The following PPIP5K1 variants were observed in gnomAD, a reference collection of about 807,000 sequenced individuals.
The protein encoded by PPIP5K1 is inositol hexakisphosphate and diphosphoinositol-pentakisphosphate kinase 1.
In PPIP5K1, 6 loss-of-function variants were observed where a neutral mutation model predicts 27.7. The ratio of observed to expected loss-of-function variants is 0.22; its 90% CI spans 0.12 to 0.43. The LOEUF is 0.43. Ranked by LOEUF, PPIP5K1 falls within the 20% of genes least tolerant of loss-of-function variation. PPIP5K1 has a pLI of 1.00. For missense variants in PPIP5K1, 394 were observed against 635.4 expected (o/e 0.62, Z 4.08); for synonymous variants, 145 against 242.6 (o/e 0.60, Z 3.74).
chr15:43,557,215 G>A (rs533491472), intron 30 of PPIP5K1, among the ~76,000 whole-genome samples: 2 of 152,148 alleles, frequency 1.3e-5, no homozygotes, highest in African/African-American at 2.4e-5. Context: ...GGAACCCAAG[G>A]GGGGGTGGAT....
At position 43,546,428 on chromosome 15, in the gene PPIP5K1, C is replaced by CT. The variant is rs554698998; in HGVS notation, c.3557-6846dup. ...CCTCCCGCCTCAGCCTCCAGAGTAGCTAAGACTACAGGTGCACACCACCAT... is the reference window on the plus strand; with the variant it reads ...CCTCCCGCCTCAGCCTCCAGAGTAGCTTAAGACTACAGGTGCACACCACCAT... On this transcript the variant is annotated intron_variant, in intron 30 of 31. Transcript: ENST00000420765. Among the ~76,000 whole-genome samples, 178 of 152,230 alleles carry CT rather than the reference C, an allele frequency of 1.2e-3. 3 individuals carry two copies. In the South Asian group the frequency reaches 0.036, roughly 31 times the overall value.
Position 43,539,543 on chromosome 15 carries a change from G to C in PPIP5K1, c.3597C>G (p.Asn1199Lys). 6.2e-7 allele frequency: 1 copy of C among 1,610,034 alleles called. No homozygotes were observed. The highest frequency in any genetic ancestry group is 8.5e-7 in the Non-Finnish European group (1 of 1,177,746). ...DSMHSSQASD[N>K]PFSPPRTLHS... ...GAAGAGTACGTGGTGGAGAAAATGG[G>C]TTATCTGAGGCCTGGCTGCTGTGCA... is the stretch of plus-strand genomic sequence containing the variant. The change falls in exon 31 of 32, where the codon AAC (asparagine) becomes AAG (lysine). Residue 1199 changes from asparagine to lysine, a missense_variant. Asn to Lys is a moderately conservative substitution (Grantham distance 94, BLOSUM62 0). Around this residue, in one of 4 missense-constraint regions of PPIP5K1, gnomAD observed 379 missense variants for 423.9 expected, o/e 0.89. Transcript: ENST00000420765.
intron 30 of PPIP5K1, among the ~76,000 whole-genome samples, chr15:43,541,885 A>T (rs542940414): frequency 6.6e-6 from 1 of 152,356 alleles, no homozygotes; most frequent in South Asian, 2.1e-4. Flanking sequence ...AAATTGATCT[A>T]ACTTAACTGA....
intron 30 of PPIP5K1, chr15:43,548,620 A>G (rs2081699495): frequency 6.7e-6 from 1 of 149,406 alleles, no homozygotes; most frequent in East Asian, 2.0e-4. Context: ...TGGTGCAATC[A>G]TGGCTCACTG....
At chr15:43,548,920 C>T (rs990445676) in intron 30 of PPIP5K1, among the ~76,000 whole-genome samples, 10 of 146,560 alleles carry the variant, frequency 6.8e-5, no homozygotes, top group Admixed American at 2.8e-4. Flanking sequence ...CCCAGCTACT[C>T]GGGAGGCTGA....
rs2080972071 is a variant in PPIP5K1, at chr15:43,543,113, A to T, written c.3557-3530T>A. Among the ~76,000 whole-genome samples, 3 of 151,060 alleles carry T rather than the reference A, an allele frequency of 2.0e-5. No individual in the cohort carries two copies. In the South Asian group the frequency reaches 6.3e-4, roughly 32 times the overall value. Reference sequence around the variant, plus strand: ...TCTTTGCCCTCAGCCATGCATTCCAAACAAAATTGGTTCTTGGTGGGGGTA... The same window carrying T: ...TCTTTGCCCTCAGCCATGCATTCCATACAAAATTGGTTCTTGGTGGGGGTA... On this transcript the variant is annotated intron_variant, in intron 30 of 31. Transcript: ENST00000420765.
chr15:43,555,017 A>G (rs959140094), intron 30 of PPIP5K1, among the ~76,000 whole-genome samples: 10 of 151,616 alleles, frequency 6.6e-5, no homozygotes, highest in African/African-American at 2.4e-4. Context: ...TGTATTTTTT[A>G]GTAGAGACAA....
chr15:43,539,572 A>C lies in PPIP5K1; in HGVS notation c.3568T>G (p.Ser1190Ala). Residue 1190 changes from serine to alanine, a missense_variant, in exon 31 of 32, where the codon TCC (serine) becomes GCC (alanine). By Grantham distance (99) the Ser-to-Ala change is moderately conservative (BLOSUM62 1). This residue lies in a region of PPIP5K1 where 379 missense variants were observed against 423.9 expected (regional missense o/e 0.89). Coordinates refer to ENST00000420765, the MANE Select transcript of PPIP5K1 (RefSeq NM_001394395.1). ...TCTGAGGCCTGGCTGCTGTGCATGGAATCAAAGAGGGCTGGAAAGGAGGTA... is the reference window on the plus strand; with the variant it reads ...TCTGAGGCCTGGCTGCTGTGCATGGCATCAAAGAGGGCTGGAAAGGAGGTA... ...QAQASAALFD[S>A]MHSSQASDNP... 6.3e-7 allele frequency: 1 copy of C among 1,594,414 alleles called. No homozygotes were observed.
intron 30 of PPIP5K1, among the ~76,000 whole-genome samples, chr15:43,557,002 G>T (rs1185917226): frequency 6.6e-6 from 1 of 152,180 alleles, no homozygotes; most frequent in African/African-American, 2.4e-5. Flanking sequence ...TTCTGTGGAT[G>T]AACAAGCCCT....
intron 30 of PPIP5K1, 133 bp downstream of exon 30, chr15:43,558,662 T>G: frequency 7.9e-7 from 1 of 1,258,520 alleles, no homozygotes. Context: ...CAGCCAGCAA[T>G]TATACATTTT....
In PPIP5K1 at chr15:43,534,763, G is replaced by C. The variant is rs752002018; in HGVS notation, c.4384C>G (p.Gln1462Glu). 6.4e-6 allele frequency: 10 copies of C among 1,567,518 alleles called. No individual in the cohort carries two copies. The South Asian group carries it at 1.2e-4, about 19-fold the overall frequency. Residue 1462 changes from glutamine (Q) to glutamate (E), a missense_variant, in exon 32 of 32, where the codon CAG becomes GAG. Physicochemically the swap from Gln to Glu is conservative, Grantham distance 29 (BLOSUM62 2). Coordinates refer to ENST00000420765, the MANE Select transcript of PPIP5K1 (RefSeq NM_001394395.1). Reference sequence around the variant, plus strand: ...GGTTTATCAATCTCAGGGATGCCCTGAGATAACAGATTGATCGCAGAAGTC... The same window carrying C: ...GGTTTATCAATCTCAGGGATGCCCTCAGATAACAGATTGATCGCAGAAGTC... ...QETSAINLLS[Q>E]GIPEIDKPSQ...
At chr15:43,548,897 A>T (rs1012533370) in intron 30 of PPIP5K1, among the ~76,000 whole-genome samples, 2 of 150,750 alleles carry the variant, frequency 1.3e-5, no homozygotes, top group African/African-American at 4.9e-5. Flanking sequence ...GCATGATGGC[A>T]AGCACCTGTA....
chr15:43,536,045 G>A (rs1037902953), intron 31 of PPIP5K1: 1 of 1,228,866 alleles, frequency 8.1e-7, no homozygotes, highest in Non-Finnish European at 1.1e-6. Flanking sequence ...TGGGGCAGAG[G>A]TAATCATTAT....
chr15:43,537,990 G>C (rs1387743144), intron 31 of PPIP5K1, among the ~76,000 whole-genome samples: 4 of 151,976 alleles, frequency 2.6e-5, no homozygotes, highest in Non-Finnish European at 5.9e-5. Flanking sequence ...GAGGGAGAAG[G>C]GTAAGATTTC....
Position 43,534,360 on chromosome 15 carries a change from G to GCCGTATCATT in PPIP5K1, c.*313_*314insAATGATACGG. On this transcript the variant is annotated 3_prime_UTR_variant, in exon 32 of 32. Transcript: ENST00000420765. The stretch of plus-strand genomic sequence containing the variant: ...TAAGTGAGGAGCCAATGGCTTCTTC[G>GCCGTATCATT]AACCTAAAACTGGCTCCTCCTCAAC... 1 of 238,860 alleles carries GCCGTATCATT rather than the reference G, an allele frequency of 4.2e-6. No homozygotes were observed. The highest frequency in any genetic ancestry group is 1.6e-4 in the South Asian group (1 of 6,218). The allele number at this position is 238,860 out of a possible 1,614,324, so 14.8% of individuals were successfully genotyped here. A position where few individuals can be genotyped will look rare whatever the true frequency, so the allele number is the denominator to read the frequency against.
At chr15:43,541,699 G>A (rs1046030240) in intron 30 of PPIP5K1, among the ~76,000 whole-genome samples, 2 of 150,926 alleles carry the variant, frequency 1.3e-5, no homozygotes, top group Non-Finnish European at 2.9e-5. Context: ...ACTCCAGCCT[G>A]GGCAACAAAG....
At chr15:43,548,960 G>A (rs571675718) in intron 30 of PPIP5K1, among the ~76,000 whole-genome samples, 32 of 145,012 alleles carry the variant, frequency 2.2e-4, no homozygotes, top group African/African-American at 7.2e-4. Context: ...CCTGGAAGGC[G>A]GAGGTTCCAG....
At chr15:43,556,522 C>G (rs1384020318) in intron 30 of PPIP5K1, among the ~76,000 whole-genome samples, 2 of 132,416 alleles carry the variant, frequency 1.5e-5, no homozygotes, top group Non-Finnish European at 3.1e-5. Flanking sequence ...GCCTGGGTGA[C>G]AGAATGAAAC....
chr15:43,557,520 A>C (rs756046404), intron 30 of PPIP5K1, among the ~76,000 whole-genome samples: 3 of 152,188 alleles, frequency 2.0e-5, no homozygotes, highest in African/African-American at 2.4e-5. Context: ...GTTTGAGCCC[A>C]GGAGTTCTGG....
Sources: allele counts gnomAD v4.1 joint callset (sites outside exome capture counted in the v4.1 genomes callset), GRCh38; gene constraint gnomAD v4.1.1; regional missense constraint gnomAD v4.1.1; transcripts MANE v1.5; gene names NCBI Gene and HGNC (gene_info 2026-07-23, HGNC 2026-07-21).